The following TF variants were observed in gnomAD, a reference collection of about 807,000 sequenced individuals.
The protein encoded by TF is serotransferrin.
A neutral mutation model predicts 82.4 loss-of-function variants in TF; 55 were observed. The observed-to-expected ratio is 0.67, with a 90% CI of 0.54 to 0.84. TF has a LOEUF of 0.84. Among genes scored for constraint, TF ranks in the 40% least tolerant of loss-of-function variants. The pLI is 0.00. For synonymous variants in TF, 332 were observed against 332.6 expected (o/e 1.00, Z 0.02); for missense variants, 737 against 868.4 (o/e 0.85, Z 1.90).
the TF span, among the ~76,000 whole-genome samples, chr3:133,687,047 G>A: frequency 6.6e-6 from 1 of 152,200 alleles, no homozygotes; most frequent in African/African-American, 2.4e-5. Context: ...CCTTTGTAGG[G>A]ACATGGTTGA....
At chr3:133,733,710 G>T in the TF span, among the ~76,000 whole-genome samples, 1 of 152,202 alleles carries the variant, frequency 6.6e-6, no homozygotes, top group African/African-American at 2.4e-5. Flanking sequence ...ATTGAACAAT[G>T]CTGAATATCT....
At chr3:133,747,999 C>T (rs1933550595) in intron 1 of TF, 1 of 199,024 alleles carries the variant, frequency 5.0e-6, no homozygotes, top group Non-Finnish European at 1.1e-5. Context: ...CAATTCCTCC[C>T]CCGCTGGTTT....
the TF span, among the ~76,000 whole-genome samples, chr3:133,730,652 T>G: frequency 6.7e-6 from 1 of 150,222 alleles, no homozygotes; most frequent in Non-Finnish European, 1.5e-5. Context: ...GAGCAAATAA[T>G]TAATGTTTAA....
upstream of TF, among the ~76,000 whole-genome samples, chr3:133,741,052 C>T (rs1406470148): frequency 2.9e-5 from 4 of 137,186 alleles, no homozygotes; most frequent in Non-Finnish European, 4.6e-5. Flanking sequence ...AGTGTAGTGG[C>T]ACAATCTCAG....
At chr3:133,718,332 C>T in the TF span, among the ~76,000 whole-genome samples, 8 of 152,080 alleles carry the variant, frequency 5.3e-5, no homozygotes, top group Admixed American at 5.2e-4. Context: ...GGCAGGGTCC[C>T]TGGTGAGGAC....
In TF at chr3:133,786,937, G is replaced by C. The variant is rs1224029871; in HGVS notation, c.*8317G>C. On this transcript the variant is annotated 3_prime_UTR_variant, in exon 17 of 17. Transcript: ENST00000402696. Reference sequence around the variant, plus strand: ...TAAATATCTTTTTGCTAAAATTCTTGGGAAGTACTGTCTTTTGGAAGTGGA... The same window carrying C: ...TAAATATCTTTTTGCTAAAATTCTTCGGAAGTACTGTCTTTTGGAAGTGGA... 2 of 152,174 alleles carry C rather than the reference G, an allele frequency of 1.3e-5. No homozygotes were observed. Among genetic ancestry groups the C allele is most frequent in the African/African-American group, 4.8e-5 (2 of 41,440 alleles). 9.4% of individuals were successfully genotyped at this position (152,174 alleles called of 1,614,324 possible). A position where few individuals can be genotyped will look rare whatever the true frequency, so the allele number is the denominator to read the frequency against.
rs575999145 is a variant in TF, at chr3:133,759,221, G to A, written c.1095G>A (p.Ala365=). 224 of 1,614,036 alleles carry A rather than the reference G, an allele frequency of 1.4e-4. No individual in the cohort carries two copies. The highest frequency in any genetic ancestry group is 6.6e-4 in the Middle Eastern group (4 of 6,062). Residue 365 remains alanine (A), a synonymous_variant, in exon 9 of 17, where the codon GCG becomes GCA. Transcript: ENST00000402696. Reference sequence around the variant, plus strand: ...AATGCAAGCCTGTGAAGTGGTGTGCGCTGAGCCACCACGAGAGGCTCAAGT... The same window carrying A: ...AATGCAAGCCTGTGAAGTGGTGTGCACTGAGCCACCACGAGAGGCTCAAGT... ...TDECKPVKWC[A]LSHHERLKCD... is the part of the protein sequence containing the mutation.
chr3:133,711,944 G>C, the TF span, among the ~76,000 whole-genome samples: 1 of 152,000 alleles, frequency 6.6e-6, no homozygotes, highest in Non-Finnish European at 1.5e-5. Flanking sequence ...ACACAGGCCT[G>C]TGCAGATGCT....
the TF span, among the ~76,000 whole-genome samples, chr3:133,723,829 C>T: frequency 2.0e-5 from 3 of 151,856 alleles, no homozygotes; most frequent in African/African-American, 7.3e-5. Context: ...CCACAGTCCC[C>T]AGAGTATGAT....
the TF span, among the ~76,000 whole-genome samples, chr3:133,729,088 C>T: frequency 6.6e-6 from 1 of 152,168 alleles, no homozygotes; most frequent in African/African-American, 2.4e-5. Flanking sequence ...CCCAGTTAGG[C>T]TGCTTGGGGG....
rs1439314066 is a variant in TF, at chr3:133,765,873, TTC to T, written c.1331-401_1331-400del. Among the ~76,000 whole-genome samples the T allele has an allele frequency of 3.9e-5, 6 of 152,268 alleles. No individual in the cohort carries two copies. In the East Asian group the frequency reaches 9.6e-4, roughly 24 times the overall value. ...ATCAGAAAATGTTTGGCTCAGTTTT[TTC>T]TCTTTTGCTTATTGATCTTTTACTA... On this transcript the variant is annotated intron_variant, in intron 11 of 16. Transcript: ENST00000402696.
chr3:133,697,711 T>G, the TF span, among the ~76,000 whole-genome samples: 24 of 152,196 alleles, frequency 1.6e-4, no homozygotes, highest in African/African-American at 5.5e-4. Context: ...GTCATATTGA[T>G]TCTCTAAATT....
At chr3:133,714,761 A>G in the TF span, among the ~76,000 whole-genome samples, 3 of 151,808 alleles carry the variant, frequency 2.0e-5, no homozygotes, top group Non-Finnish European at 4.4e-5. Flanking sequence ...CGGCTCAATG[A>G]AACCTCCGCC....
At chr3:133,685,949 A>G in the TF span, among the ~76,000 whole-genome samples, 2 of 152,326 alleles carry the variant, frequency 1.3e-5, no homozygotes, top group East Asian at 3.9e-4. Flanking sequence ...TTCAAACTAT[A>G]CTACATGGCT....
the TF span, among the ~76,000 whole-genome samples, chr3:133,676,896 G>C: frequency 3.5e-4 from 54 of 152,346 alleles, no homozygotes; most frequent in African/African-American, 1.3e-3. Context: ...GCCCATTTCA[G>C]CCTCCTCATT....
chr3:133,674,477 C>T, the TF span, among the ~76,000 whole-genome samples: 1 of 152,194 alleles, frequency 6.6e-6, no homozygotes, highest in Non-Finnish European at 1.5e-5. Context: ...GGGAGGAGTG[C>T]GAGGAGTGGC....
intron 10 of TF, 53 bp downstream of exon 10, chr3:133,764,328 G>C: frequency 4.2e-6 from 6 of 1,438,644 alleles, no homozygotes; most frequent in African/African-American, 1.4e-5. Context: ...GCCATGGAGA[G>C]AGGAGATGGA....
chr3:133,689,066 C>T, the TF span, among the ~76,000 whole-genome samples: 1 of 152,130 alleles, frequency 6.6e-6, no homozygotes, highest in Admixed American at 6.5e-5. Context: ...TGGCTCACAC[C>T]TGTAATCGCA....
chr3:133,733,867 CAAAAAAA>C, the TF span, among the ~76,000 whole-genome samples: 1,057 of 98,304 alleles, frequency 0.011, 8 homozygotes, highest in African/African-American at 0.039. Context: ...CCTTAAAAAA[CAAAAAAA>C]AAAAAAACAT....
Sources: gnomAD v4.1 joint callset for allele counts (sites outside exome capture counted in the v4.1 genomes callset) on GRCh38, gnomAD v4.1.1 for gene constraint, MANE v1.5 for transcripts, NCBI Gene and HGNC (gene_info 2026-07-23, HGNC 2026-07-21) for gene names.